TRPV5: variants seen among roughly 807,000 people sequenced by gnomAD.
TRPV5 encodes the protein calcium transport protein 2.
TRPV5 carries 66 observed loss-of-function variants against 74.1 expected under a neutral mutation model. That is an observed-to-expected ratio of 0.89 (90% CI 0.73 to 1.09). The LOEUF (loss-of-function observed/expected upper bound fraction) is 1.09. Among genes scored for constraint, TRPV5 ranks in the 50% least tolerant of loss-of-function variants. The probability of loss-of-function intolerance (pLI) is 0.00; values close to 1 mark genes in which losing one functional copy is unlikely to be tolerated. For synonymous variants in TRPV5, 399 were observed against 360.7 expected (o/e 1.11, Z -1.20); for missense variants, 936 against 930.4 (o/e 1.01, Z -0.08).
chr7:142,929,609 G>C lies in TRPV5; in HGVS notation c.350-44C>G, dbSNP rs973045568. 5 of 1,601,428 alleles carry C rather than the reference G, an allele frequency of 3.1e-6. No individual in the cohort carries two copies. In the African/African-American group the frequency reaches 6.7e-5, roughly 21 times the overall value. On this transcript the variant is annotated intron_variant, in intron 3 of 14. Transcript: ENST00000265310. ...TCATCAGGGTCTCCCTCTGTCCCCA[G>C]TTCTCTCAGGGACACAGCATCCCCC...
At chr7:142,918,966 G>A (rs959621626) in intron 8 of TRPV5, among the ~76,000 whole-genome samples, 4 of 152,232 alleles carry the variant, frequency 2.6e-5, no homozygotes, top group Non-Finnish European at 5.9e-5. Context: ...CATACCCTGT[G>A]TGAGCTCTGG....
chr7:142,933,407 AG>A lies in TRPV5; in HGVS notation c.52del (p.Leu18PhefsTer28). ...TTCTCTGACCAGAAAGGAGGGCAGA[AG>A]TTTCTGGAGTTGGCTCCCGGGCCCT... ...AEGPGSQLQKLLPSFLVREQD... is the reference protein window; with the variant it reads ...AEGPGSQLQKXLPSFLVREQD... On this transcript the variant is annotated frameshift_variant, in exon 1 of 15. Coordinates refer to ENST00000265310, the MANE Select transcript of TRPV5 (RefSeq NM_019841.7). LOFTEE classifies it high-confidence loss of function. 6.2e-7 allele frequency: 1 copy of A among 1,614,142 alleles called. No individual in the cohort carries two copies. Among genetic ancestry groups the A allele is most frequent in the Non-Finnish European group, 8.5e-7 (1 of 1,180,028 alleles).
chr7:142,923,245 G>A (rs1406217216), intron 8 of TRPV5, among the ~76,000 whole-genome samples: 2 of 152,128 alleles, frequency 1.3e-5, no homozygotes, highest in Admixed American at 6.5e-5. Context: ...AATTGCATGA[G>A]TCAAATCAAG....
chr7:142,925,496 A>G, intron 8 of TRPV5, 33 bp downstream of exon 8: 1 of 1,609,528 alleles, frequency 6.2e-7, no homozygotes, highest in Non-Finnish European at 8.5e-7. Context: ...CCCTTGATGC[A>G]ATTCTCTCTC....
intron 1 of TRPV5, among the ~76,000 whole-genome samples, chr7:142,931,004 A>G (rs190246590): frequency 2.3e-4 from 32 of 139,142 alleles, no homozygotes; most frequent in African/African-American, 8.3e-4. Context: ...AGTTCTGACT[A>G]CTCCCTCAGG....
In TRPV5 at chr7:142,933,426, CG is replaced by C. The variant is rs775630213; in HGVS notation, c.33del (p.Ser13AlafsTer33). On this transcript the variant is annotated frameshift_variant, in exon 1 of 15. Transcript: ENST00000265310. LOFTEE classifies it high-confidence loss of function. ...GGCAGAAGTTTCTGGAGTTGGCTCC[CG>C]GGCCCTTCTGCCTTAGGTAGAAAAC... MGGFLPKAEG[P>X]GSQLQKLLPS... 3.7e-6 allele frequency: 6 copies of C among 1,614,102 alleles called. No individual in the cohort carries two copies. In the South Asian group the frequency reaches 6.6e-5, roughly 18 times the overall value.
intron 8 of TRPV5, among the ~76,000 whole-genome samples, chr7:142,920,061 A>G (rs1795859955): frequency 6.6e-6 from 1 of 152,172 alleles, no homozygotes; most frequent in Non-Finnish European, 1.5e-5. Context: ...TTGTCACAAC[A>G]CACATGTCCA....
At chr7:142,931,137 C>T (rs1796088010) in intron 1 of TRPV5, among the ~76,000 whole-genome samples, 1 of 149,322 alleles carries the variant, frequency 6.7e-6, no homozygotes, top group Non-Finnish European at 1.5e-5. Flanking sequence ...ATTCTTGTGC[C>T]TCAGTCTCCC....
intron 8 of TRPV5, among the ~76,000 whole-genome samples, chr7:142,918,785 G>A (rs928168988): frequency 6.6e-6 from 1 of 152,164 alleles, no homozygotes; most frequent in African/African-American, 2.4e-5. Context: ...TGTCCAGGAC[G>A]CAGTTGCTCT....
At chr7:142,927,672 C>T (rs564944577) in intron 7 of TRPV5, among the ~76,000 whole-genome samples, 13 of 152,148 alleles carry the variant, frequency 8.5e-5, no homozygotes, top group African/African-American at 2.4e-4. Context: ...CTCACTATCA[C>T]GAGAACATCA....
At chr7:142,927,163 A>T (rs1056995751) in intron 7 of TRPV5, among the ~76,000 whole-genome samples, 4 of 152,122 alleles carry the variant, frequency 2.6e-5, no homozygotes, top group African/African-American at 9.7e-5. Flanking sequence ...TTGAAGATCC[A>T]GCCCCAGCAT....
At chr7:142,930,826 G>A (rs528386304) in intron 1 of TRPV5, among the ~76,000 whole-genome samples, 29 of 152,216 alleles carry the variant, frequency 1.9e-4, no homozygotes, top group African/African-American at 6.3e-4. Flanking sequence ...GTTGGAGAGC[G>A]GGACAGAGGG....
chr7:142,908,459 C>G lies in TRPV5; in HGVS notation c.*55G>C. On this transcript the variant is annotated 3_prime_UTR_variant, in exon 15 of 15. Transcript: ENST00000265310. ...CTTGCATAGGCAGAGGTCTCCGTCT[C>G]TGTCCCCGCCCCCAGGCCAACCGGG... 1 of 1,590,690 alleles carries G rather than the reference C, an allele frequency of 6.3e-7. No homozygotes were observed. Among genetic ancestry groups the G allele is most frequent in the Non-Finnish European group, 8.6e-7 (1 of 1,163,494 alleles).
intron 1 of TRPV5, 151 bp downstream of exon 1, chr7:142,933,181 G>A: frequency 1.8e-6 from 2 of 1,137,968 alleles, no homozygotes; most frequent in Non-Finnish European, 2.5e-6. Flanking sequence ...CTGGGATTCT[G>A]TAATTAGGTG....
chr7:142,918,387 T>C (rs1795831023), intron 8 of TRPV5, among the ~76,000 whole-genome samples: 1 of 152,262 alleles, frequency 6.6e-6, no homozygotes. Flanking sequence ...TCCTTTCCCT[T>C]GGTTAACAGA....
chr7:142,922,111 T>C lies in TRPV5; in HGVS notation c.1122+3418A>G, dbSNP rs575883407. On this transcript the variant is annotated intron_variant, in intron 8 of 14. Coordinates refer to ENST00000265310, the MANE Select transcript of TRPV5 (RefSeq NM_019841.7). ...GTCACAGATTATAATGAAGTATCTA[T>C]TTGTATGATCGTTTGATTAATACAA... 6.6e-5 allele frequency among the ~76,000 whole-genome samples: 10 copies of C among 152,336 alleles called. No individual in the cohort carries two copies. In the East Asian group the frequency reaches 1.9e-3, roughly 29 times the overall value.
At chr7:142,927,445 G>A (rs957335645) in intron 7 of TRPV5, among the ~76,000 whole-genome samples, 1 of 152,180 alleles carries the variant, frequency 6.6e-6, no homozygotes. Flanking sequence ...AGAACTACCT[G>A]GCACAGGGTA....
intron 8 of TRPV5, among the ~76,000 whole-genome samples, chr7:142,916,935 A>T (rs550368971): frequency 6.8e-4 from 103 of 150,728 alleles, no homozygotes; most frequent in African/African-American, 2.2e-3. Flanking sequence ...ATGCTCTGTA[A>T]ACTTTTCTGA....
rs1796029812 is a variant in TRPV5 at position 142,928,692 on chromosome 7, A to G, written c.761T>C (p.Val254Ala). 6.2e-7 allele frequency: 1 copy of G among 1,613,266 alleles called. No individual in the cohort carries two copies. The highest frequency in any genetic ancestry group is 8.5e-7 in the Non-Finnish European group (1 of 1,179,618). ...FKLAGVEGNT[V>A]MFQHLMQKRR... ...TCAGGGATGGGGAGCGTCTCTTACC[A>G]CAGTGTTACCCTCCACTCCAGCCAG... The change falls in exon 6 of 15, where the codon GTG (valine) becomes GCG (alanine). Residue 254 changes from valine to alanine, a missense_variant and splice_region_variant. Val to Ala is a moderately conservative substitution (Grantham distance 64). Transcript: ENST00000265310.
Sources: gnomAD v4.1 joint callset for allele counts (sites outside exome capture counted in the v4.1 genomes callset) on GRCh38, gnomAD v4.1.1 for gene constraint, MANE v1.5 for transcripts, NCBI Gene and HGNC (gene_info 2026-07-23, HGNC 2026-07-21) for gene names.